Variants in LATS2 observed in about 807,000 individuals in gnomAD.
LATS2 encodes the protein large tumor suppressor kinase 2.
LATS2 carries 24 observed loss-of-function variants against 76.0 expected under a neutral mutation model. That is an observed-to-expected ratio of 0.32 (90% CI 0.23 to 0.44). The LOEUF (loss-of-function observed/expected upper bound fraction) is 0.44, where lower values mean the gene tolerates loss of function less well. LATS2 is among the 20% of genes least tolerant of loss of function. LATS2 has a pLI of 1.00. For synonymous variants in LATS2, 692 were observed against 635.4 expected, an observed-to-expected ratio of 1.09 and a Z score of -1.34; for missense variants, 1,286 against 1,481.2, an observed-to-expected ratio of 0.87 and a Z score of 2.16.
chr13:21,047,960 T>C (rs1188148788), intron 1 of LATS2, among the ~76,000 whole-genome samples: 2 of 152,150 alleles, frequency 1.3e-5, no homozygotes, highest in African/African-American at 4.8e-5. Context: ...CAACATGAAA[T>C]CCCTATTTTA....
chr13:21,012,591 T>C (rs1159210978), intron 2 of LATS2, among the ~76,000 whole-genome samples: 1 of 152,228 alleles, frequency 6.6e-6, no homozygotes, highest in Non-Finnish European at 1.5e-5. Context: ...ATTTTCTACC[T>C]AGTAGTGTTC....
At chr13:20,998,347 C>G (rs1385583129) in intron 2 of LATS2, among the ~76,000 whole-genome samples, 2 of 151,524 alleles carry the variant, frequency 1.3e-5, no homozygotes. Flanking sequence ...AGCAAGAGAC[C>G]CTGTCTCAAA....
chr13:20,988,859 AG>A lies in LATS2; in HGVS notation c.920del (p.Pro307LeufsTer126). The stretch of plus-strand genomic sequence containing the variant: ...GGTGCGGCACGTAGAGCCCGGCGGC[AG>A]GGGGTGGGAAAGCGAGGCCGGCGCC... Reference protein sequence around the residue: ...PPGAGLAFPPPAAGLYVPHPH... With the variant: ...PPGAGLAFPPXAAGLYVPHPH... On this transcript the variant is annotated frameshift_variant, in exon 4 of 8. Transcript: ENST00000382592. LOFTEE classifies it high-confidence loss of function. 2.5e-6 allele frequency: 4 copies of A among 1,585,710 alleles called. No homozygotes were observed. The highest frequency in any genetic ancestry group is 1.7e-6 in the Non-Finnish European group (2 of 1,172,180).
intron 2 of LATS2, among the ~76,000 whole-genome samples, chr13:21,029,272 T>C (rs74426537): frequency 0.019 from 2,837 of 152,344 alleles, 44 homozygotes; most frequent in Non-Finnish European, 0.031. Context: ...GTGATAGCTT[T>C]TGGTACAAAT....
chr13:21,000,177 C>T (rs1477982309), intron 2 of LATS2, among the ~76,000 whole-genome samples: 2 of 152,058 alleles, frequency 1.3e-5, no homozygotes, highest in East Asian at 1.9e-4. Context: ...GTTAGGAGAT[C>T]GAGACCATCC....
chr13:21,000,965 C>T (rs981127052), intron 2 of LATS2, among the ~76,000 whole-genome samples: 12 of 152,094 alleles, frequency 7.9e-5, no homozygotes, highest in South Asian at 4.1e-4. Flanking sequence ...ACAGTAATTT[C>T]GATTTGTTAA....
chr13:20,976,637 TGAG>T (rs1229714056), intron 7 of LATS2, among the ~76,000 whole-genome samples: 2 of 152,240 alleles, frequency 1.3e-5, no homozygotes, highest in Non-Finnish European at 2.9e-5. Context: ...GTAATGGACT[TGAG>T]GAGATATTTC....
intron 1 of LATS2, among the ~76,000 whole-genome samples, chr13:21,051,163 T>G (rs1211196582): frequency 6.6e-6 from 1 of 152,188 alleles, no homozygotes; most frequent in Non-Finnish European, 1.5e-5. Context: ...GCACATGCCC[T>G]CATATAAATG....
At chr13:21,016,176 G>A (rs1013324225) in intron 2 of LATS2, among the ~76,000 whole-genome samples, 7 of 151,652 alleles carry the variant, frequency 4.6e-5, no homozygotes, top group Non-Finnish European at 1.0e-4. Flanking sequence ...TTGTAGAGAC[G>A]GGGTTTCACC....
chr13:21,025,469 G>A (rs1595243380), intron 2 of LATS2, among the ~76,000 whole-genome samples: 2 of 152,006 alleles, frequency 1.3e-5, no homozygotes, highest in South Asian at 2.1e-4. Flanking sequence ...GGTCGGACAC[G>A]GACATGGGAT....
chr13:21,056,375 A>G (rs1873451636), intron 1 of LATS2, among the ~76,000 whole-genome samples: 1 of 152,068 alleles, frequency 6.6e-6, no homozygotes, highest in South Asian at 2.1e-4. Context: ...AGTCTCGGGG[A>G]AAAAGACACC....
At chr13:21,059,416 C>A (rs1453831298) in intron 1 of LATS2, among the ~76,000 whole-genome samples, 1 of 151,656 alleles carries the variant, frequency 6.6e-6, no homozygotes, top group Non-Finnish European at 1.5e-5. Context: ...GCTAATACAG[C>A]GAAACCCCGT....
At chr13:21,035,905 C>G (rs1872671398) in intron 2 of LATS2, among the ~76,000 whole-genome samples, 1 of 152,118 alleles carries the variant, frequency 6.6e-6, no homozygotes, top group Non-Finnish European at 1.5e-5. Flanking sequence ...AGCCCCCTTC[C>G]CCTTTTTTCG....
At chr13:21,014,302 T>C (rs544891686) in intron 2 of LATS2, among the ~76,000 whole-genome samples, 2 of 152,104 alleles carry the variant, frequency 1.3e-5, no homozygotes, top group South Asian at 4.2e-4. Flanking sequence ...ACAATTAGCA[T>C]TGCAGCCGGC....
Position 20,999,710 on chromosome 13 carries a change from A to C in LATS2, c.343-8306T>G, listed in dbSNP as rs536467749. Among the ~76,000 whole-genome samples, 165 of 152,290 alleles carry C rather than the reference A, an allele frequency of 1.1e-3. 1 individual carries two copies. Among genetic ancestry groups the C allele is most frequent in the Middle Eastern group, 0.01 (3 of 294 alleles). The stretch of plus-strand genomic sequence containing the variant: ...GGAGGCCAAGCCATCCTCCTGCCTC[A>C]GCCTCCTAAAATGCTAGGATTACAG... On this transcript the variant is annotated intron_variant, in intron 2 of 7. Transcript: ENST00000382592.
intron 2 of LATS2, among the ~76,000 whole-genome samples, chr13:21,035,526 T>C (rs983359180): frequency 3.3e-5 from 5 of 152,058 alleles, no homozygotes; most frequent in Non-Finnish European, 7.4e-5. Context: ...CCAGGCAAAA[T>C]TGGGGTTCCA....
intron 1 of LATS2, among the ~76,000 whole-genome samples, chr13:21,056,254 G>A (rs971800736): frequency 3.3e-5 from 5 of 151,878 alleles, no homozygotes; most frequent in Admixed American, 2.0e-4. Flanking sequence ...ACCCAAGCTC[G>A]TCTCGAATTC....
At chr13:20,985,513 CG>C (rs1436328206) in intron 4 of LATS2, among the ~76,000 whole-genome samples, 1 of 149,626 alleles carries the variant, frequency 6.7e-6, no homozygotes, top group Non-Finnish European at 1.5e-5. Context: ...CTGAGGCAGG[CG>C]GATTACTTGA....
At chr13:21,027,869 A>G (rs1338753158) in intron 2 of LATS2, among the ~76,000 whole-genome samples, 2 of 152,162 alleles carry the variant, frequency 1.3e-5, no homozygotes, top group Non-Finnish European at 2.9e-5. Context: ...CCGTCTTAAC[A>G]GTATTGAGTC....
Sources: gnomAD v4.1 joint callset for allele counts (sites outside exome capture counted in the v4.1 genomes callset) on GRCh38, gnomAD v4.1.1 for gene constraint, MANE v1.5 for transcripts, NCBI Gene and HGNC (gene_info 2026-07-23, HGNC 2026-07-21) for gene names.